Variants in GPC5 observed in about 807,000 individuals in gnomAD.
GPC5 encodes the protein glypican 5.
A neutral mutation model predicts 53.9 loss-of-function variants in GPC5; 47 were observed. That is an observed-to-expected ratio of 0.87 (90% CI 0.69 to 1.11). The LOEUF (loss-of-function observed/expected upper bound fraction) is 1.11. Among genes scored for constraint, GPC5 ranks in the 50% most tolerant of loss-of-function variants. GPC5 has a pLI of 0.00. For missense variants in GPC5, 748 were observed against 713.1 expected (o/e 1.05, Z -0.56); for synonymous variants, 286 against 263.3 (o/e 1.09, Z -0.84).
At chr13:91,595,067 A>C (rs980749706) in intron 2 of GPC5, among the ~76,000 whole-genome samples, 1 of 151,380 alleles carries the variant, frequency 6.6e-6, no homozygotes, top group African/African-American at 2.4e-5. Context: ...CTCTGTTGCC[A>C]GGCTGGAGTA....
At chr13:92,275,319 A>G (rs2042867843) in intron 7 of GPC5, among the ~76,000 whole-genome samples, 2 of 152,178 alleles carry the variant, frequency 1.3e-5, no homozygotes, top group Non-Finnish European at 2.9e-5. Context: ...CAATGTGAGC[A>G]TCGCCACAGA....
Position 92,375,850 on chromosome 13 carries a change from T to C in GPC5, c.1561+230861T>C, listed in dbSNP as rs191295308. On this transcript the variant is annotated intron_variant, in intron 7 of 7. Coordinates refer to ENST00000377067, the MANE Select transcript of GPC5 (RefSeq NM_004466.6). Reference sequence around the variant, plus strand: ...ATGGCATTTAATCACATCTGCAAAATACCTCTGCAGAAATACCTAGGTTAG... The same window carrying C: ...ATGGCATTTAATCACATCTGCAAAACACCTCTGCAGAAATACCTAGGTTAG... Among the ~76,000 whole-genome samples, 223 of 152,254 alleles carry C rather than the reference T, an allele frequency of 1.5e-3. 1 individual carries two copies. Among genetic ancestry groups the C allele is most frequent in the African/African-American group, 5.1e-3 (210 of 41,560 alleles).
chr13:92,260,329 T>C (rs2042757282), intron 7 of GPC5, among the ~76,000 whole-genome samples: 1 of 152,176 alleles, frequency 6.6e-6, no homozygotes, highest in Non-Finnish European at 1.5e-5. Flanking sequence ...TGTAATGCGG[T>C]TTATCTAACT....
chr13:91,898,075 A>G (rs115147296), intron 5 of GPC5, among the ~76,000 whole-genome samples: 2,886 of 152,344 alleles, frequency 0.019, 99 homozygotes, highest in African/African-American at 0.066. Context: ...ACCAAGTCAT[A>G]TAACCAGGTC....
intron 2 of GPC5, among the ~76,000 whole-genome samples, chr13:91,657,713 G>A (rs1338675293): frequency 2.0e-5 from 3 of 152,132 alleles, no homozygotes; most frequent in Admixed American, 2.0e-4. Flanking sequence ...AAAAAATCCT[G>A]CCTAAGTTAT....
intron 6 of GPC5, among the ~76,000 whole-genome samples, chr13:92,025,664 C>G (rs1008552877): frequency 5.9e-5 from 9 of 152,076 alleles, no homozygotes; most frequent in African/African-American, 9.7e-5. Context: ...GATTTTGTAC[C>G]CTTTTTGTCC....
intron 4 of GPC5, among the ~76,000 whole-genome samples, chr13:91,747,614 C>T (rs1406134343): frequency 6.7e-6 from 1 of 148,188 alleles, no homozygotes; most frequent in Non-Finnish European, 1.5e-5. Context: ...CTCATTGTAG[C>T]TTTTTGTCAT....
chr13:92,079,464 A>G (rs1033162249), intron 6 of GPC5, among the ~76,000 whole-genome samples: 2 of 152,176 alleles, frequency 1.3e-5, no homozygotes, highest in African/African-American at 2.4e-5. Context: ...ATTTCTTTAC[A>G]TTAATTGAGT....
intron 7 of GPC5, among the ~76,000 whole-genome samples, chr13:92,428,990 T>C (rs1243191493): frequency 6.6e-6 from 1 of 152,074 alleles, no homozygotes; most frequent in Non-Finnish European, 1.5e-5. Context: ...TTAGGGAGTA[T>C]TGGCTAGCTT....
At chr13:92,316,893 C>T (rs1192209779) in intron 7 of GPC5, among the ~76,000 whole-genome samples, 1 of 152,062 alleles carries the variant, frequency 6.6e-6, no homozygotes, top group Non-Finnish European at 1.5e-5. Context: ...CTCTTAATCA[C>T]TCATAAATTG....
At chr13:91,709,714 G>A (rs1481149242) in intron 3 of GPC5, among the ~76,000 whole-genome samples, 3 of 152,198 alleles carry the variant, frequency 2.0e-5, no homozygotes, top group African/African-American at 7.2e-5. Context: ...ATTTGCAGAT[G>A]CCCAAAGGCA....
intron 7 of GPC5, among the ~76,000 whole-genome samples, chr13:92,854,067 G>T (rs1335466008): frequency 6.6e-6 from 1 of 151,874 alleles, no homozygotes; most frequent in African/African-American, 2.4e-5. Flanking sequence ...CATGTTCTTT[G>T]TGTTAAAACC....
chr13:92,280,971 G>A (rs71427543), intron 7 of GPC5, among the ~76,000 whole-genome samples: 1,846 of 152,318 alleles, frequency 0.012, 36 homozygotes, highest in Middle Eastern at 0.044. Flanking sequence ...CAGGAAGTGC[G>A]AGGGGTCAGG....
intron 5 of GPC5, among the ~76,000 whole-genome samples, chr13:91,868,422 C>G (rs1450874984): frequency 6.6e-6 from 1 of 152,134 alleles, no homozygotes; most frequent in African/African-American, 2.4e-5. Context: ...GTATAGGAGA[C>G]AAGGCTGGGC....
At chr13:92,406,644 T>A (rs1035073513) in intron 7 of GPC5, among the ~76,000 whole-genome samples, 1 of 152,206 alleles carries the variant, frequency 6.6e-6, no homozygotes, top group Non-Finnish European at 1.5e-5. Context: ...AGTTAACTCA[T>A]ATCATGTTTA....
intron 2 of GPC5, among the ~76,000 whole-genome samples, chr13:91,569,575 T>A (rs887028817): frequency 6.6e-6 from 1 of 152,132 alleles, no homozygotes; most frequent in Admixed American, 6.6e-5. Flanking sequence ...TGTTCAAGAA[T>A]CTAGAAGAAG....
chr13:92,724,865 G>T (rs1009284960), intron 7 of GPC5, among the ~76,000 whole-genome samples: 1 of 118,476 alleles, frequency 8.4e-6, no homozygotes. Context: ...TTTGTTAAGT[G>T]TCCTACACAT....
intron 2 of GPC5, among the ~76,000 whole-genome samples, chr13:91,587,178 T>A (rs1257767989): frequency 1.3e-5 from 2 of 152,122 alleles, no homozygotes; most frequent in Non-Finnish European, 2.9e-5. Flanking sequence ...AATAACGAAG[T>A]TTTGGAAATT....
chr13:91,622,536 A>G (rs1412926030), intron 2 of GPC5, among the ~76,000 whole-genome samples: 1 of 152,172 alleles, frequency 6.6e-6, no homozygotes, highest in African/African-American at 2.4e-5. Context: ...TACTATAAAA[A>G]AGTTTACATA....
Sources: allele counts gnomAD v4.1 joint callset (sites outside exome capture counted in the v4.1 genomes callset), GRCh38; gene constraint gnomAD v4.1.1; transcripts MANE v1.5; gene names NCBI Gene and HGNC (gene_info 2026-07-23, HGNC 2026-07-21).